Variants in ZNF407 observed in about 807,000 individuals in gnomAD.
ZNF407 encodes the protein zinc finger protein 407.
Under a neutral mutation model 131.2 loss-of-function variants are expected in ZNF407, and 17 were observed. The observed-to-expected ratio is 0.13, with a 90% CI of 0.09 to 0.19. The LOEUF is 0.19. Among genes scored for constraint, ZNF407 ranks in the 10% least tolerant of loss-of-function variants. The pLI, the probability that ZNF407 is intolerant of heterozygous loss-of-function variation, is 1.00. For missense variants in ZNF407, 2,681 were observed against 2,830.6 expected (o/e 0.95, Z 1.20); for synonymous variants, 1,156 against 1,062.0 (o/e 1.09, Z -1.72).
At chr18:74,824,826 G>T (rs942975832) in intron 4 of ZNF407, among the ~76,000 whole-genome samples, 5 of 152,068 alleles carry the variant, frequency 3.3e-5, no homozygotes, top group Non-Finnish European at 7.4e-5. Flanking sequence ...CTATTCCAAA[G>T]AATATAAAAA....
intron 7 of ZNF407, among the ~76,000 whole-genome samples, chr18:74,917,077 T>G (rs1971782390): frequency 6.6e-6 from 1 of 152,010 alleles, no homozygotes; most frequent in Non-Finnish European, 1.5e-5. Flanking sequence ...TTGTTTTTGT[T>G]TTAGTGGAGA....
At chr18:74,977,843 T>G (rs1237263428) in intron 8 of ZNF407, among the ~76,000 whole-genome samples, 3 of 152,222 alleles carry the variant, frequency 2.0e-5, no homozygotes, top group Non-Finnish European at 4.4e-5. Flanking sequence ...CTTACTGTGG[T>G]TGCTAGGATT....
chr18:74,878,882 C>G (rs1190518902), intron 5 of ZNF407, among the ~76,000 whole-genome samples: 1 of 148,206 alleles, frequency 6.7e-6, no homozygotes, highest in Non-Finnish European at 1.5e-5. Flanking sequence ...ACACCCCAAC[C>G]CACTCCAAAA....
At chr18:74,677,208 A>G (rs1198811363) in intron 3 of ZNF407, among the ~76,000 whole-genome samples, 1 of 152,168 alleles carries the variant, frequency 6.6e-6, no homozygotes, top group Non-Finnish European at 1.5e-5. Context: ...CTTGTGCCTC[A>G]GCCTTTTGAG....
chr18:74,946,219 A>G (rs1972152372), intron 8 of ZNF407, among the ~76,000 whole-genome samples: 3 of 152,232 alleles, frequency 2.0e-5, no homozygotes, highest in Admixed American at 6.5e-5. Context: ...CATTTACTCC[A>G]ATTTAGAGAA....
chr18:75,019,089 A>C (rs1973077538), intron 8 of ZNF407, among the ~76,000 whole-genome samples: 1 of 152,176 alleles, frequency 6.6e-6, no homozygotes. Context: ...AGAAGATCAA[A>C]TAATTATCTC....
rs117792838 is a variant in ZNF407 at position 74,765,619 on chromosome 18, C to T, written c.4803-15809C>T. ...CTATTTTTTTCTTTCTGTGTTTTGT[C>T]GTGCTCTCATGTAGCTTCTTCATAT... is the stretch of plus-strand genomic sequence containing the variant. On this transcript the variant is annotated intron_variant, in intron 3 of 8. Coordinates refer to ENST00000299687, the MANE Select transcript of ZNF407 (RefSeq NM_017757.3). Among the ~76,000 whole-genome samples the T allele has an allele frequency of 3.9e-5, 6 of 152,232 alleles. No individual in the cohort carries two copies. The East Asian group carries it at 9.7e-4, about 24-fold the overall frequency.
At chr18:74,846,240 A>C (rs1430432294) in intron 4 of ZNF407, among the ~76,000 whole-genome samples, 2 of 152,212 alleles carry the variant, frequency 1.3e-5, no homozygotes, top group African/African-American at 4.8e-5. Flanking sequence ...TATAAAATAC[A>C]TCCTAACAAA....
At position 74,855,942 on chromosome 18, in the gene ZNF407, G is replaced by T. The variant is rs80199075; in HGVS notation, c.4878-21255G>T. On this transcript the variant is annotated intron_variant, in intron 4 of 8. Coordinates refer to ENST00000299687, the MANE Select transcript of ZNF407 (RefSeq NM_017757.3). The stretch of plus-strand genomic sequence containing the variant: ...ACTGAAAGGCGTGTAGAGAGCTGCC[G>T]TATTATCACTTTGTCAAAGGCTGTG... Among the ~76,000 whole-genome samples, 38 of 152,282 alleles carry T rather than the reference G, an allele frequency of 2.5e-4. No individual in the cohort carries two copies. The East Asian group carries it at 3.5e-3, about 14-fold the overall frequency.
At chr18:74,840,961 G>A (rs1191470914) in intron 4 of ZNF407, among the ~76,000 whole-genome samples, 1 of 152,148 alleles carries the variant, frequency 6.6e-6, no homozygotes, top group Non-Finnish European at 1.5e-5. Flanking sequence ...TGACTCATTT[G>A]CGCAGAGCTC....
In ZNF407 at chr18:74,692,217, G is replaced by A. The variant is rs1023418852; in HGVS notation, c.4802+51095G>A. Among the ~76,000 whole-genome samples the A allele has an allele frequency of 4.6e-5, 7 of 152,242 alleles. No homozygotes were observed. The South Asian group carries it at 1.2e-3, about 27-fold the overall frequency. On this transcript the variant is annotated intron_variant, in intron 3 of 8. Coordinates refer to ENST00000299687, the MANE Select transcript of ZNF407 (RefSeq NM_017757.3). ...CTTCAGTCAAGGCCATTAGCATGGG[G>A]CCTCCATTCAGTCTAGTCCGGAGTG... is the stretch of plus-strand genomic sequence containing the variant.
intron 8 of ZNF407, among the ~76,000 whole-genome samples, chr18:74,937,240 A>G (rs1224330022): frequency 2.6e-5 from 4 of 152,246 alleles, no homozygotes; most frequent in Admixed American, 6.5e-5. Context: ...ATAATTGACC[A>G]TATCATACAT....
intron 1 of ZNF407, among the ~76,000 whole-genome samples, chr18:74,627,592 A>G (rs1036321703): frequency 2.6e-5 from 4 of 151,248 alleles, no homozygotes; most frequent in Non-Finnish European, 5.9e-5. Flanking sequence ...TGGCCTTCCA[A>G]AGTGCTGAGA....
intron 1 of ZNF407, among the ~76,000 whole-genome samples, chr18:74,628,867 A>G (rs748208295): frequency 6.6e-5 from 10 of 152,148 alleles, no homozygotes; most frequent in Non-Finnish European, 1.3e-4. Context: ...GGCATGAGCT[A>G]CCGTGCCTGG....
intron 8 of ZNF407, among the ~76,000 whole-genome samples, chr18:74,962,185 T>A (rs1002707544): frequency 6.6e-6 from 1 of 152,218 alleles, no homozygotes; most frequent in Non-Finnish European, 1.5e-5. Context: ...AGGGACATTT[T>A]CATGTCATTG....
chr18:74,978,588 G>C (rs1972553799), intron 8 of ZNF407, among the ~76,000 whole-genome samples: 1 of 151,844 alleles, frequency 6.6e-6, no homozygotes, highest in Admixed American at 6.6e-5. Flanking sequence ...CAGATGTATG[G>C]CTTAATGATT....
chr18:74,610,865 A>G (rs927129704), intron 1 of ZNF407, among the ~76,000 whole-genome samples: 1 of 152,174 alleles, frequency 6.6e-6, no homozygotes, highest in East Asian at 1.9e-4. Flanking sequence ...ATTTTGGGAC[A>G]TTTTTAAGGT....
chr18:74,622,835 AGT>A (rs1353547459), intron 1 of ZNF407, among the ~76,000 whole-genome samples: 2 of 4,096 alleles, frequency 4.9e-4, no homozygotes, highest in African/African-American at 7.8e-4. Flanking sequence ...AGTACGTGTG[AGT>A]GTGTATCTGA....
At chr18:74,902,720 A>G (rs536858265) in intron 7 of ZNF407, among the ~76,000 whole-genome samples, 2 of 152,296 alleles carry the variant, frequency 1.3e-5, no homozygotes, top group East Asian at 3.9e-4. Flanking sequence ...TAAAGTATGC[A>G]TTTTTCGATT....
Sources: gnomAD v4.1 joint callset for allele counts (sites outside exome capture counted in the v4.1 genomes callset) on GRCh38, gnomAD v4.1.1 for gene constraint, MANE v1.5 for transcripts, NCBI Gene and HGNC (gene_info 2026-07-23, HGNC 2026-07-21) for gene names.